The following WWOX variants were observed in gnomAD, a reference collection of about 807,000 sequenced individuals.
The protein encoded by WWOX is WW domain containing oxidoreductase.
WWOX carries 69 observed loss-of-function variants against 46.2 expected under a neutral mutation model. The observed-to-expected ratio is 1.49, with a 90% CI of 1.23 to 1.82. The LOEUF is 1.82. Ranked by LOEUF, WWOX falls within the 40% of genes most tolerant of loss-of-function variation. The pLI is 0.00. For missense variants in WWOX, 919 were observed against 542.6 expected, an observed-to-expected ratio of 1.69 and a Z score of -6.89; for synonymous variants, 359 against 202.6, an observed-to-expected ratio of 1.77 and a Z score of -6.56.
chr16:78,140,347 G>A (rs2033944363), intron 4 of WWOX, among the ~76,000 whole-genome samples: 1 of 152,094 alleles, frequency 6.6e-6, no homozygotes, highest in South Asian at 2.1e-4. Context: ...GAATTCTGGG[G>A]CTTTAGCCTT....
chr16:78,176,053 G>C (rs765476088), intron 5 of WWOX, among the ~76,000 whole-genome samples: 1 of 152,064 alleles, frequency 6.6e-6, no homozygotes, highest in Non-Finnish European at 1.5e-5. Context: ...CTCTCCCCAT[G>C]CTGCCCATCC....
chr16:78,936,409 G>A (rs779609212), intron 8 of WWOX, among the ~76,000 whole-genome samples: 1 of 151,994 alleles, frequency 6.6e-6, no homozygotes, highest in Non-Finnish European at 1.5e-5. Flanking sequence ...CCCCAGGATG[G>A]GTAAGACTTC....
intron 8 of WWOX, among the ~76,000 whole-genome samples, chr16:78,938,639 A>G (rs940553846): frequency 1.3e-5 from 2 of 151,986 alleles, no homozygotes; most frequent in Non-Finnish European, 2.9e-5. Context: ...TTCCACAGGG[A>G]TTTATTATGC....
intron 8 of WWOX, among the ~76,000 whole-genome samples, chr16:78,904,389 C>T (rs925818701): frequency 1.3e-5 from 2 of 151,940 alleles, no homozygotes; most frequent in African/African-American, 4.8e-5. Context: ...GAGGAGCACA[C>T]CACTGCGCCC....
intron 8 of WWOX, among the ~76,000 whole-genome samples, chr16:79,011,518 G>T (rs112454983): frequency 2.7e-5 from 4 of 146,562 alleles, no homozygotes; most frequent in African/African-American, 1.0e-4. Context: ...TTGAGACAGG[G>T]TCTTAATCTG....
chr16:78,357,094 C>T (rs906166798), intron 5 of WWOX, among the ~76,000 whole-genome samples: 1 of 152,296 alleles, frequency 6.6e-6, no homozygotes, highest in East Asian at 1.9e-4. Flanking sequence ...CCAGGAGACA[C>T]CAGGCATAGA....
chr16:78,921,064 G>C (rs1255343851), intron 8 of WWOX, among the ~76,000 whole-genome samples: 1 of 152,020 alleles, frequency 6.6e-6, no homozygotes, highest in Non-Finnish European at 1.5e-5. Flanking sequence ...ACCAGATTTT[G>C]TGCTTATCTC....
At chr16:78,419,352 G>A (rs1344753115) in intron 6 of WWOX, among the ~76,000 whole-genome samples, 2 of 152,056 alleles carry the variant, frequency 1.3e-5, no homozygotes, top group African/African-American at 4.8e-5. Context: ...AAAAAGAAGA[G>A]TGTTGGAGGG....
intron 8 of WWOX, among the ~76,000 whole-genome samples, chr16:79,178,844 T>G (rs1193929350): frequency 6.6e-6 from 1 of 152,254 alleles, no homozygotes. Flanking sequence ...CAATTTTTTT[T>G]GTTTAATATA....
chr16:79,209,550 T>G (rs1406479303), intron 8 of WWOX, among the ~76,000 whole-genome samples: 1 of 152,088 alleles, frequency 6.6e-6, no homozygotes, highest in Non-Finnish European at 1.5e-5. Flanking sequence ...TGAGCTGGAT[T>G]CTCCCACCAC....
At chr16:78,641,668 C>A (rs529282579) in intron 8 of WWOX, among the ~76,000 whole-genome samples, 1 of 152,096 alleles carries the variant, frequency 6.6e-6, no homozygotes, top group Non-Finnish European at 1.5e-5. Context: ...GTTAAACGGC[C>A]CCGCAGATTG....
chr16:79,117,708 GCTTCTGCATCAGCACTTGCTGCTT>G (rs2049545145), intron 8 of WWOX, among the ~76,000 whole-genome samples: 1 of 152,236 alleles, frequency 6.6e-6, no homozygotes. Flanking sequence ...ACTTGCTGCA[GCTTCTGCATCAGCACTTGCTGCTT>G]CATGTTGCAC....
At chr16:78,255,205 G>A (rs918971673) in intron 5 of WWOX, among the ~76,000 whole-genome samples, 4 of 152,058 alleles carry the variant, frequency 2.6e-5, no homozygotes, top group Admixed American at 1.3e-4. Flanking sequence ...CAGATCCCCC[G>A]TCCCCCTGCT....
At chr16:78,540,793 C>G (rs146263035) in intron 8 of WWOX, among the ~76,000 whole-genome samples, 1 of 152,264 alleles carries the variant, frequency 6.6e-6, no homozygotes, top group African/African-American at 2.4e-5. Context: ...CCCAAGCGAT[C>G]TTCCCACCTC....
chr16:78,766,432 A>G (rs76317956), intron 8 of WWOX, among the ~76,000 whole-genome samples: 4,942 of 152,248 alleles, frequency 0.032, 283 homozygotes, highest in African/African-American at 0.11. Context: ...CCACGTCTTA[A>G]AAAAATTTAG....
chr16:78,692,815 A>C (rs1357595667), intron 8 of WWOX, among the ~76,000 whole-genome samples: 1 of 152,224 alleles, frequency 6.6e-6, no homozygotes, highest in Non-Finnish European at 1.5e-5. Context: ...AGTCATTGGA[A>C]ACCAAGGCAT....
chr16:78,735,705 C>G (rs1044107919), intron 8 of WWOX, among the ~76,000 whole-genome samples: 2 of 152,158 alleles, frequency 1.3e-5, no homozygotes, highest in African/African-American at 4.8e-5. Flanking sequence ...ATGCCTGGCT[C>G]AAGTACTAGT....
chr16:78,561,998 G>A (rs1457908112), intron 8 of WWOX, among the ~76,000 whole-genome samples: 1 of 152,172 alleles, frequency 6.6e-6, no homozygotes, highest in Non-Finnish European at 1.5e-5. Flanking sequence ...TTGACATTCA[G>A]GATTGCTATA....
At chr16:79,145,738 A>T (rs1382847031) in intron 8 of WWOX, among the ~76,000 whole-genome samples, 1 of 152,222 alleles carries the variant, frequency 6.6e-6, no homozygotes, top group Non-Finnish European at 1.5e-5. Context: ...TAGCAATGAA[A>T]TAATTTGAAG....
Sources: gnomAD v4.1 joint callset for allele counts (sites outside exome capture counted in the v4.1 genomes callset) on GRCh38, gnomAD v4.1.1 for gene constraint, MANE v1.5 for transcripts, NCBI Gene and HGNC (gene_info 2026-07-23, HGNC 2026-07-21) for gene names.